The following SLC9C1 variants were observed in gnomAD, a reference collection of about 807,000 sequenced individuals.
SLC9C1 encodes the protein solute carrier family 9 member C1.
A neutral mutation model predicts 140.9 loss-of-function variants in SLC9C1; 97 were observed. That is an observed-to-expected ratio of 0.69 (90% CI 0.58 to 0.82). The LOEUF is 0.82. Among genes scored for constraint, SLC9C1 ranks in the 40% least tolerant of loss-of-function variants. SLC9C1 has a pLI of 0.00. For synonymous variants in SLC9C1, 440 were observed against 442.6 expected (o/e 0.99, Z 0.07); for missense variants, 1,340 against 1,389.3 (o/e 0.96, Z 0.56).
intron 23 of SLC9C1, among the ~76,000 whole-genome samples, chr3:112,170,127 C>T (rs1340436439): frequency 6.6e-6 from 1 of 152,016 alleles, no homozygotes; most frequent in Non-Finnish European, 1.5e-5. Flanking sequence ...GCAACAAGAA[C>T]AAAAATAGAC....
intron 13 of SLC9C1, among the ~76,000 whole-genome samples, chr3:112,230,741 T>G (rs937151266): frequency 2.0e-4 from 30 of 152,110 alleles, no homozygotes; most frequent in Admixed American, 1.8e-3. Flanking sequence ...ATGAACACCC[T>G]AAGAGGACAA....
chr3:112,250,013 T>G (rs1435228684), intron 10 of SLC9C1, among the ~76,000 whole-genome samples: 2 of 152,100 alleles, frequency 1.3e-5, no homozygotes, highest in Admixed American at 6.5e-5. Context: ...GCTGCACCCA[T>G]TAACTCGTCA....
chr3:112,242,409 G>A (rs1342199014), intron 11 of SLC9C1, among the ~76,000 whole-genome samples: 1 of 152,168 alleles, frequency 6.6e-6, no homozygotes, highest in Non-Finnish European at 1.5e-5. Context: ...GTCATGTTAA[G>A]TGAAATAAGC....
At chr3:112,150,723 G>A (rs1336320355) in intron 28 of SLC9C1, among the ~76,000 whole-genome samples, 3 of 143,288 alleles carry the variant, frequency 2.1e-5, no homozygotes, top group Non-Finnish European at 4.5e-5. Flanking sequence ...ATATGGAGGT[G>A]GCATGGAAGA....
intron 26 of SLC9C1, among the ~76,000 whole-genome samples, chr3:112,166,518 A>G (rs926772583): frequency 6.6e-6 from 1 of 152,064 alleles, no homozygotes; most frequent in African/African-American, 2.4e-5. Flanking sequence ...AGAATCCCAC[A>G]TTGTGTTTTC....
At chr3:112,262,826 A>C in intron 10 of SLC9C1, 98 bp downstream of exon 10, 1 of 1,092,762 alleles carries the variant, frequency 9.2e-7, no homozygotes, top group Non-Finnish European at 1.2e-6. Flanking sequence ...CTACATCCCA[A>C]GTGAAGTTGA....
chr3:112,288,383 C>T (rs2080581283), intron 1 of SLC9C1, among the ~76,000 whole-genome samples: 1 of 152,084 alleles, frequency 6.6e-6, no homozygotes, highest in African/African-American at 2.4e-5. Context: ...GTGCTGTTTT[C>T]CTCTTATTAT....
At chr3:112,164,369 G>A (rs372959048) in intron 26 of SLC9C1, among the ~76,000 whole-genome samples, 5 of 140,782 alleles carry the variant, frequency 3.6e-5, no homozygotes, top group South Asian at 2.6e-4. Context: ...TCCTAGTCTC[G>A]ATGGTCTTTA....
chr3:112,158,390 C>A (rs1295282411), intron 26 of SLC9C1, among the ~76,000 whole-genome samples: 1 of 151,772 alleles, frequency 6.6e-6, no homozygotes, highest in Non-Finnish European at 1.5e-5. Context: ...TGATGAATGA[C>A]CTTTTTAATG....
chr3:112,292,839 G>A (rs911338159), intron 1 of SLC9C1, among the ~76,000 whole-genome samples: 3 of 151,164 alleles, frequency 2.0e-5, no homozygotes, highest in African/African-American at 7.3e-5. Flanking sequence ...CACCACGCCC[G>A]GCCACAGGTT....
chr3:112,254,591 A>G (rs955945874), intron 10 of SLC9C1, among the ~76,000 whole-genome samples: 10 of 152,160 alleles, frequency 6.6e-5, no homozygotes, highest in Non-Finnish European at 1.3e-4. Flanking sequence ...TCTGGAAAAA[A>G]GCACTAAATA....
chr3:112,220,471 T>C (rs1469751302), intron 14 of SLC9C1, among the ~76,000 whole-genome samples: 1 of 152,176 alleles, frequency 6.6e-6, no homozygotes, highest in Non-Finnish European at 1.5e-5. Flanking sequence ...CTTAGGACAA[T>C]TTAAGCAGGG....
chr3:112,227,826 C>A (rs1397649471), intron 13 of SLC9C1, among the ~76,000 whole-genome samples: 1 of 151,884 alleles, frequency 6.6e-6, no homozygotes, highest in African/African-American at 2.4e-5. Flanking sequence ...ACAATAGCTA[C>A]CAAAAATACA....
intron 12 of SLC9C1, among the ~76,000 whole-genome samples, chr3:112,235,705 T>G (rs6805060): frequency 0.59 from 89,280 of 151,398 alleles, 26,796 homozygotes; most frequent in East Asian, 0.79. Flanking sequence ...TCAAAGGCCT[T>G]TTCTGCATCT....
Position 112,279,035 on chromosome 3 carries a change from T to A in SLC9C1, c.190-178A>T, listed in dbSNP as rs371018076. 1.9e-4 allele frequency: 99 copies of A among 512,758 alleles called. No individual in the cohort carries two copies. The East Asian group carries it at 3.8e-3, about 19-fold the overall frequency. The allele number at this position is 512,758 out of a possible 1,614,324, so 31.8% of individuals were successfully genotyped here. A position where few individuals can be genotyped will look rare whatever the true frequency, so the allele number is the denominator to read the frequency against. ...TACAAATAATTGGCCATGGCTTATGTAGAAGATATGTGTGGAAGAATAGAA... is the reference window on the plus strand; with the variant it reads ...TACAAATAATTGGCCATGGCTTATGAAGAAGATATGTGTGGAAGAATAGAA... On this transcript the variant is annotated intron_variant, in intron 3 of 28. Transcript: ENST00000305815.
At chr3:112,285,338 G>A (rs536779974) in intron 2 of SLC9C1, among the ~76,000 whole-genome samples, 2 of 152,114 alleles carry the variant, frequency 1.3e-5, no homozygotes, top group South Asian at 4.2e-4. Context: ...TCCCAGGCTC[G>A]AGCGATCCTC....
chr3:112,200,211 A>G (rs1353599909), intron 19 of SLC9C1, among the ~76,000 whole-genome samples: 1 of 152,096 alleles, frequency 6.6e-6, no homozygotes, highest in Non-Finnish European at 1.5e-5. Flanking sequence ...CAGGAGCGTG[A>G]CTTGGCATGA....
Position 112,264,068 on chromosome 3 carries a change from A to G in SLC9C1, c.1022+132T>C, listed in dbSNP as rs548422376. On this transcript the variant is annotated intron_variant, in intron 9 of 28. Coordinates refer to ENST00000305815, the MANE Select transcript of SLC9C1 (RefSeq NM_183061.3). ...GCCAAAAAAAAATTACAAAGCATTT[A>G]TTTGCTGATGATCCTTGGAAAGTTT... The G allele has an allele frequency of 7.1e-5, 30 of 420,882 alleles. No individual in the cohort carries two copies. The East Asian group carries it at 1.5e-3, about 21-fold the overall frequency. 26.1% of individuals were successfully genotyped at this position (420,882 alleles called of 1,614,324 possible). A position where few individuals can be genotyped will look rare whatever the true frequency, so the allele number is the denominator to read the frequency against.
At chr3:112,226,754 A>C (rs900312589) in intron 13 of SLC9C1, among the ~76,000 whole-genome samples, 1 of 152,080 alleles carries the variant, frequency 6.6e-6, no homozygotes, top group Non-Finnish European at 1.5e-5. Flanking sequence ...AGTTCAAAAA[A>C]CAACTTAATT....
Sources: allele counts gnomAD v4.1 joint callset (sites outside exome capture counted in the v4.1 genomes callset), GRCh38; gene constraint gnomAD v4.1.1; transcripts MANE v1.5; gene names NCBI Gene and HGNC (gene_info 2026-07-23, HGNC 2026-07-21).